SLC4A4: variants seen among roughly 807,000 people sequenced by gnomAD.
The protein encoded by SLC4A4 is solute carrier family 4 member 4, also known as electrogenic sodium bicarbonate cotransporter 1.
In SLC4A4, 27 loss-of-function variants were observed where a neutral mutation model predicts 111.5. The ratio of observed to expected loss-of-function variants is 0.24; its 90% CI spans 0.18 to 0.33. SLC4A4 has a LOEUF of 0.33. Among genes scored for constraint, SLC4A4 ranks in the 10% least tolerant of loss-of-function variants. The pLI is 1.00. For synonymous variants in SLC4A4, 443 were observed against 463.4 expected, an observed-to-expected ratio of 0.96 and a Z score of 0.57; for missense variants, 909 against 1,315.5, an observed-to-expected ratio of 0.69 and a Z score of 4.78.
At chr4:71,184,173 T>C (rs987116975), upstream of SLC4A4, among the ~76,000 whole-genome samples, 1 of 152,224 alleles carries the variant, frequency 6.6e-6, no homozygotes, top group African/African-American at 2.4e-5. Flanking sequence ...GAGAAAATTC[T>C]ATGCTAATAA....
chr4:71,241,810 G>A (rs892691124), intron 2 of SLC4A4, among the ~76,000 whole-genome samples: 6 of 152,174 alleles, frequency 3.9e-5, no homozygotes, highest in African/African-American at 1.4e-4. Flanking sequence ...ATACAGTGAG[G>A]TTTTTAAAAG....
intron 4 of SLC4A4, among the ~76,000 whole-genome samples, chr4:71,345,323 C>T (rs922086792): frequency 4.6e-5 from 7 of 151,920 alleles, no homozygotes; most frequent in Non-Finnish European, 1.0e-4. Flanking sequence ...TTTCCCTGCC[C>T]AAATTCTTTA....
chr4:71,343,184 C>T (rs751689842), intron 4 of SLC4A4, among the ~76,000 whole-genome samples: 21 of 152,016 alleles, frequency 1.4e-4, no homozygotes, highest in Non-Finnish European at 1.5e-4. Flanking sequence ...TGATTGCCTT[C>T]GACACAACTG....
intron 6 of SLC4A4, among the ~76,000 whole-genome samples, chr4:71,363,099 A>G (rs1339693949): frequency 6.6e-6 from 1 of 152,172 alleles, no homozygotes; most frequent in Non-Finnish European, 1.5e-5. Flanking sequence ...GCTGTCTCCC[A>G]TATTGCTGGT....
At chr4:71,265,442 G>A (rs536084230) in intron 3 of SLC4A4, among the ~76,000 whole-genome samples, 172 of 152,242 alleles carry the variant, frequency 1.1e-3, no homozygotes, top group Non-Finnish European at 1.9e-3. Flanking sequence ...AGAGGGGGAA[G>A]TGCAGGGATA....
chr4:71,568,116 G>T lies in SLC4A4; in HGVS notation c.*365G>T. 1 of 425,072 alleles carries T rather than the reference G, an allele frequency of 2.4e-6. No homozygotes were observed. Among genetic ancestry groups the T allele is most frequent in the South Asian group, 2.9e-5 (1 of 34,270 alleles). 26.3% of individuals were successfully genotyped at this position (425,072 alleles called of 1,614,324 possible). A position where few individuals can be genotyped will look rare whatever the true frequency, so the allele number is the denominator to read the frequency against. ...TCCCCCTTTTGTTCTTAAACTTTCA[G>T]ATGTGTCCTTTGATAACCAAATTCT... On this transcript the variant is annotated 3_prime_UTR_variant, in exon 26 of 26. Coordinates refer to ENST00000264485, the MANE Select transcript of SLC4A4 (RefSeq NM_001098484.3).
At chr4:71,357,542 G>T (rs1443683381) in intron 6 of SLC4A4, among the ~76,000 whole-genome samples, 1 of 152,180 alleles carries the variant, frequency 6.6e-6, no homozygotes, top group Non-Finnish European at 1.5e-5. Flanking sequence ...ATGTTTTCCA[G>T]CATGTTTGCC....
chr4:71,219,618 A>T (rs1049728683), intron 1 of SLC4A4, among the ~76,000 whole-genome samples: 2 of 152,242 alleles, frequency 1.3e-5, no homozygotes, highest in African/African-American at 4.8e-5. Flanking sequence ...TAGCTGTCAT[A>T]AATAGTGATT....
intron 1 of SLC4A4, among the ~76,000 whole-genome samples, chr4:71,208,897 G>T (rs1204616249): frequency 6.6e-6 from 1 of 152,156 alleles, no homozygotes; most frequent in African/African-American, 2.4e-5. Context: ...GGTTTGACAT[G>T]AGATGAATAT....
chr4:71,087,910 G>A (rs569842348), intron 1 of SLC4A4, among the ~76,000 whole-genome samples: 1 of 151,508 alleles, frequency 6.6e-6, no homozygotes, highest in South Asian at 2.1e-4. Flanking sequence ...TTCTGTAGAT[G>A]TCTATTAGGT....
intron 18 of SLC4A4, among the ~76,000 whole-genome samples, chr4:71,536,617 C>T (rs1432510217): frequency 6.6e-6 from 1 of 150,488 alleles, no homozygotes; most frequent in Non-Finnish European, 1.5e-5. Flanking sequence ...CTGCCTCAGC[C>T]TCCCGAGTAG....
chr4:71,504,707 G>A (rs80298574), intron 16 of SLC4A4, among the ~76,000 whole-genome samples: 19,896 of 146,558 alleles, frequency 0.14, 1,685 homozygotes, highest in South Asian at 0.3. Context: ...TGCTTTTTTT[G>A]TATTTTTTTT....
intron 12 of SLC4A4, among the ~76,000 whole-genome samples, chr4:71,458,990 A>C (rs1274474822): frequency 2.0e-5 from 3 of 152,032 alleles, no homozygotes; most frequent in Non-Finnish European, 4.4e-5. Flanking sequence ...GGTAAAAATA[A>C]ATAGACATAT....
chr4:71,409,359 A>G lies in SLC4A4; in HGVS notation c.807+11706A>G, dbSNP rs558031959. On this transcript the variant is annotated intron_variant, in intron 7 of 25. Transcript: ENST00000264485. Reference sequence around the variant, plus strand: ...GACAAAAATGCTGATACTGATATGAACAATAAGGTTCAGGCTGAGGTGGTC... The same window carrying G: ...GACAAAAATGCTGATACTGATATGAGCAATAAGGTTCAGGCTGAGGTGGTC... 5.5e-4 allele frequency among the ~76,000 whole-genome samples: 84 copies of G among 152,324 alleles called. 1 individual carries two copies. The highest frequency in any genetic ancestry group is 6.8e-3 in the Middle Eastern group (2 of 294).
At chr4:71,518,712 T>TA (rs1732641515) in intron 16 of SLC4A4, among the ~76,000 whole-genome samples, 5 of 152,152 alleles carry the variant, frequency 3.3e-5, no homozygotes, top group African/African-American at 1.2e-4. Flanking sequence ...GACCTGGGGC[T>TA]CATCTGGAGC....
intron 16 of SLC4A4, among the ~76,000 whole-genome samples, chr4:71,502,409 A>G (rs2149160284): frequency 6.6e-6 from 1 of 152,156 alleles, no homozygotes; most frequent in East Asian, 1.9e-4. Context: ...TAGCTCCTTG[A>G]CATGCTTCCT....
intron 1 of SLC4A4, among the ~76,000 whole-genome samples, chr4:71,227,515 G>T (rs977526004): frequency 1.2e-4 from 19 of 152,180 alleles, no homozygotes; most frequent in African/African-American, 4.6e-4. Context: ...GCATTTTGGG[G>T]CATCCACTGA....
chr4:71,340,582 G>A (rs1451822511), intron 4 of SLC4A4, among the ~76,000 whole-genome samples: 2 of 152,086 alleles, frequency 1.3e-5, no homozygotes, highest in African/African-American at 2.4e-5. Flanking sequence ...TGTGAATAAG[G>A]GGACTACTGT....
intron 1 of SLC4A4, among the ~76,000 whole-genome samples, chr4:71,063,334 C>T (rs1741435189): frequency 6.6e-6 from 1 of 152,106 alleles, no homozygotes; most frequent in Non-Finnish European, 1.5e-5. Flanking sequence ...TTGCCAAAAT[C>T]TCCATTAAAC....
Sources: allele counts gnomAD v4.1 joint callset (sites outside exome capture counted in the v4.1 genomes callset), GRCh38; gene constraint gnomAD v4.1.1; transcripts MANE v1.5; gene names NCBI Gene and HGNC (gene_info 2026-07-23, HGNC 2026-07-21).